The following WASL variants were observed in gnomAD, a reference collection of about 807,000 sequenced individuals.
WASL encodes WASP like actin nucleation promoting factor.
WASL carries 20 observed loss-of-function variants against 55.5 expected under a neutral mutation model. The ratio of observed to expected loss-of-function variants is 0.36; its 90% CI spans 0.25 to 0.52. The LOEUF is 0.52. WASL is among the 20% of genes least tolerant of loss of function. WASL has a pLI of 0.92. For missense variants in WASL, 504 were observed against 622.5 expected (o/e 0.81, Z 2.03); for synonymous variants, 249 against 217.6 (o/e 1.14, Z -1.27).
chr7:123,728,624 G>A (rs947004339), intron 1 of WASL, among the ~76,000 whole-genome samples: 49 of 152,076 alleles, frequency 3.2e-4, no homozygotes, highest in Admixed American at 1.7e-3. Flanking sequence ...GGCAGATCAC[G>A]AGGTCAGGAG....
At position 123,710,164 on chromosome 7, in the gene WASL, T is replaced by C. The variant is rs79968999; in HGVS notation, c.118-941A>G. Among the ~76,000 whole-genome samples the C allele has an allele frequency of 4.3e-4, 66 of 152,258 alleles. No homozygotes were observed. The East Asian group carries it at 9.3e-3, about 21-fold the overall frequency. ...CTATGAAAGTGATACACACTTACACTGATAAAGCACTTACAAATCCTCTGA... is the reference window on the plus strand; with the variant it reads ...CTATGAAAGTGATACACACTTACACCGATAAAGCACTTACAAATCCTCTGA... On this transcript the variant is annotated intron_variant, in intron 1 of 10. Coordinates refer to ENST00000223023, the MANE Select transcript of WASL (RefSeq NM_003941.4).
In WASL at chr7:123,689,046, A is replaced by G. The variant is rs756618803; in HGVS notation, c.1452T>C (p.Ser484=). The G allele has an allele frequency of 5.0e-6, 8 of 1,609,784 alleles. No individual in the cohort carries two copies. The highest frequency in any genetic ancestry group is 5.9e-6 in the Non-Finnish European group (7 of 1,177,160). The part of the protein sequence containing the change: ...VMQKRSKAIH[S]SDEDEDEDDE... ...TCTCTCTCTCTCTCTCTCTACCTGAAGAATGAATGGCTTTGCTCCTTTTCT... is the reference window on the plus strand; with the variant it reads ...TCTCTCTCTCTCTCTCTCTACCTGAGGAATGAATGGCTTTGCTCCTTTTCT... Residue 484 remains serine, a synonymous_variant, in exon 10 of 11, where the codon TCT becomes TCC. Transcript: ENST00000223023.
chr7:123,709,246 C>G (rs763928538), intron 1 of WASL, 23 bp from the exon 2 acceptor site: 8 of 1,591,162 alleles, frequency 5.0e-6, no homozygotes, highest in Non-Finnish European at 6.8e-6. Context: ...AAATTTATAA[C>G]CATTAGGTTC....
chr7:123,699,031 TTTC>T (rs2116777422), intron 5 of WASL, among the ~76,000 whole-genome samples: 1 of 152,322 alleles, frequency 6.6e-6, no homozygotes, highest in South Asian at 2.1e-4. Flanking sequence ...AATTACTTTG[TTTC>T]TTATCTTTAT....
chr7:123,719,084 A>G (rs1451304894), intron 1 of WASL, among the ~76,000 whole-genome samples: 2 of 152,158 alleles, frequency 1.3e-5, no homozygotes, highest in East Asian at 3.9e-4. Flanking sequence ...ATCTCTTTTT[A>G]AGGTAAAATT....
At chr7:123,705,521 T>C (rs529977261) in intron 4 of WASL, among the ~76,000 whole-genome samples, 26 of 152,284 alleles carry the variant, frequency 1.7e-4, no homozygotes, top group African/African-American at 5.8e-4. Context: ...TTTGGAACTA[T>C]AGGACTGGAT....
At chr7:123,698,907 T>G (rs568542798) in intron 5 of WASL, among the ~76,000 whole-genome samples, 2 of 152,328 alleles carry the variant, frequency 1.3e-5, no homozygotes, top group South Asian at 4.1e-4. Context: ...CACTCAGACC[T>G]TCACAGACTT....
intron 10 of WASL, 94 bp downstream of exon 10, chr7:123,688,948 T>A (rs1284553241): frequency 1.8e-6 from 2 of 1,107,766 alleles, no homozygotes; most frequent in South Asian, 2.7e-5. Context: ...AAGACAGTCA[T>A]AAAAATAACA....
chr7:123,726,742 T>G (rs1382628512), intron 1 of WASL, among the ~76,000 whole-genome samples: 1 of 152,160 alleles, frequency 6.6e-6, no homozygotes, highest in Non-Finnish European at 1.5e-5. Context: ...GGCACGCACC[T>G]GTAATCCCAG....
intron 5 of WASL, among the ~76,000 whole-genome samples, chr7:123,698,047 A>G (rs1407901442): frequency 6.7e-6 from 1 of 149,908 alleles, no homozygotes; most frequent in South Asian, 2.1e-4. Context: ...ACTCTTGGAA[A>G]CTTGTGTGTG....
chr7:123,748,605 C>T lies in WASL; in HGVS notation c.117+13G>A. 1 of 1,612,838 alleles carries T rather than the reference C, an allele frequency of 6.2e-7. No individual in the cohort carries two copies. On this transcript the variant is annotated intron_variant, in intron 1 of 10. Transcript: ENST00000223023. ...TAATGTCACGGGTGGCGACGCGGGT[C>T]TCGTCCACTGACCACACATTTCTTG... is the stretch of plus-strand genomic sequence containing the variant.
intron 3 of WASL, 136 bp from the exon 4 acceptor site, chr7:123,706,509 T>C: frequency 2.2e-6 from 2 of 895,444 alleles, no homozygotes; most frequent in Non-Finnish European, 3.4e-6. Flanking sequence ...CATTATTTTA[T>C]GATCTGAATA....
Position 123,736,402 on chromosome 7 carries a change from T to C in WASL, c.117+12216A>G, listed in dbSNP as rs183400261. Among the ~76,000 whole-genome samples, 144 of 152,326 alleles carry C rather than the reference T, an allele frequency of 9.5e-4. 3 individuals are homozygous for C. In the East Asian group the frequency reaches 0.026, roughly 28 times the overall value. On this transcript the variant is annotated intron_variant, in intron 1 of 10. Coordinates refer to ENST00000223023, the MANE Select transcript of WASL (RefSeq NM_003941.4). ...ACCAAGTGAATAAATATAAGGTTTT[T>C]TTCCCTTACTATTTAAATGTCTCTA...
rs1474574954 is a variant in WASL at position 123,692,487 on chromosome 7, C to T, written c.1207G>A (p.Ala403Thr). ...SDGDHQVPTT[A>T]GNKAALLDQI... ...TCTAAAAGAGCTGCTTTGTTTCCTG[C>T]AGTAGTTGGAACCTGATGGTCCCCA... Residue 403 changes from alanine to threonine, a missense_variant, in exon 9 of 11, where the codon GCA becomes ACA. Coordinates refer to ENST00000223023, the MANE Select transcript of WASL (RefSeq NM_003941.4). 2 of 1,613,932 alleles carry T rather than the reference C, an allele frequency of 1.2e-6. No individual in the cohort carries two copies. The highest frequency in any genetic ancestry group is 2.7e-5 in the African/African-American group (2 of 74,858).
intron 10 of WASL, among the ~76,000 whole-genome samples, chr7:123,686,871 A>G (rs922085890): frequency 2.6e-5 from 4 of 152,182 alleles, no homozygotes; most frequent in African/African-American, 7.2e-5. Context: ...AGAAGACTAT[A>G]CCATAAACAT....
intron 1 of WASL, among the ~76,000 whole-genome samples, chr7:123,728,563 C>T (rs774854925): frequency 1.4e-4 from 21 of 152,082 alleles, no homozygotes; most frequent in African/African-American, 4.3e-4. Flanking sequence ...TAATGTCAGC[C>T]GGGCGCAGCG....
intron 1 of WASL, among the ~76,000 whole-genome samples, chr7:123,726,440 G>A (rs916092889): frequency 6.6e-6 from 1 of 152,186 alleles, no homozygotes; most frequent in African/African-American, 2.4e-5. Flanking sequence ...GCAGAAGACT[G>A]TGACTGTGAC....
chr7:123,718,695 C>T (rs1803888546), intron 1 of WASL, among the ~76,000 whole-genome samples: 1 of 152,016 alleles, frequency 6.6e-6, no homozygotes, highest in African/African-American at 2.4e-5. Flanking sequence ...ATGCCCAGCC[C>T]CATATAATAT....
At chr7:123,701,667 G>T (rs1386203518) in intron 5 of WASL, among the ~76,000 whole-genome samples, 1 of 152,212 alleles carries the variant, frequency 6.6e-6, no homozygotes, top group Non-Finnish European at 1.5e-5. Context: ...CACCTGCATA[G>T]CTACTGGAGG....
Sources: gnomAD v4.1 joint callset for allele counts (sites outside exome capture counted in the v4.1 genomes callset) on GRCh38, gnomAD v4.1.1 for gene constraint, MANE v1.5 for transcripts, NCBI Gene and HGNC (gene_info 2026-07-23, HGNC 2026-07-21) for gene names.